Variants in ZFP1 observed in about 807,000 individuals in gnomAD.
The protein encoded by ZFP1 is zinc finger protein 1 homolog.
A neutral mutation model predicts 38.5 loss-of-function variants in ZFP1; 32 were observed. The observed-to-expected ratio is 0.83, with a 90% CI of 0.63 to 1.12. ZFP1 has a LOEUF of 1.12. ZFP1 is among the 50% of genes most tolerant of loss of function. The pLI is 0.00. For missense variants in ZFP1, 616 were observed against 480.8 expected (o/e 1.28, Z -2.63); for synonymous variants, 245 against 168.8 (o/e 1.45, Z -3.50).
rs138101488 is a variant in ZFP1 at position 75,148,728 on chromosome 16, G to A, written c.-44+85G>A. 752 of 152,416 alleles carry A rather than the reference G, an allele frequency of 4.9e-3. 7 individuals are homozygous for A. Among genetic ancestry groups the A allele is most frequent in the Non-Finnish European group, 8.1e-3 (551 of 68,082 alleles). 9.4% of individuals were successfully genotyped at this position (152,416 alleles called of 1,614,324 possible). A position where few individuals can be genotyped will look rare whatever the true frequency, so the allele number is the denominator to read the frequency against. On this transcript the variant is annotated intron_variant, in intron 1 of 3. Transcript: ENST00000570010. ...GGATGGGCTCGTGCCCGCGCAGGGT[G>A]GGAGCCCAAACTTCGGCTACTCGTA...
the ZFP1 span, among the ~76,000 whole-genome samples, chr16:75,123,335 C>T: frequency 6.7e-6 from 1 of 149,682 alleles, no homozygotes; most frequent in Non-Finnish European, 1.5e-5. Context: ...GCCTGGGCGA[C>T]ACAGAGACTC....
At chr16:75,122,699 C>T in the ZFP1 span, among the ~76,000 whole-genome samples, 4 of 152,188 alleles carry the variant, frequency 2.6e-5, no homozygotes, top group South Asian at 8.3e-4. Flanking sequence ...TGGCTTTAGG[C>T]AGTCCGGTCT....
At chr16:75,137,270 G>A in the ZFP1 span, among the ~76,000 whole-genome samples, 1 of 151,922 alleles carries the variant, frequency 6.6e-6, no homozygotes, top group Non-Finnish European at 1.5e-5. Flanking sequence ...GAATAATATT[G>A]GGTTATTCCC....
chr16:75,139,568 T>C, the ZFP1 span, among the ~76,000 whole-genome samples: 1 of 151,858 alleles, frequency 6.6e-6, no homozygotes, highest in East Asian at 1.9e-4. Flanking sequence ...GGCGCACATG[T>C]GTGGTCCGAG....
the ZFP1 span, among the ~76,000 whole-genome samples, chr16:75,136,169 T>C: frequency 6.6e-6 from 1 of 152,126 alleles, no homozygotes; most frequent in Admixed American, 6.6e-5. Context: ...CAGGAAAAAA[T>C]GCAGATGGTG....
chr16:75,134,279 T>G, the ZFP1 span, among the ~76,000 whole-genome samples: 1,621 of 152,332 alleles, frequency 0.011, 17 homozygotes, highest in African/African-American at 0.037. Context: ...CAAAAAAATT[T>G]TTTTAATTCT....
intron 2 of ZFP1, among the ~76,000 whole-genome samples, chr16:75,163,918 T>C (rs2145560507): frequency 6.6e-6 from 1 of 152,330 alleles, no homozygotes; most frequent in South Asian, 2.1e-4. Context: ...ACTGTTTATG[T>C]CACCTCACTC....
At chr16:75,155,053 C>T (rs951145353) in intron 2 of ZFP1, among the ~76,000 whole-genome samples, 6 of 152,122 alleles carry the variant, frequency 3.9e-5, no homozygotes, top group Non-Finnish European at 7.3e-5. Flanking sequence ...CCCACCTTGG[C>T]CTCCCAAAAT....
At position 75,170,333 on chromosome 16, in the gene ZFP1, G is replaced by T. The variant is rs964024389; in HGVS notation, c.1223G>T (p.Ter408LeuextTer49). The T allele has an allele frequency of 6.4e-7, 1 of 1,566,132 alleles. No homozygotes were observed. Among genetic ancestry groups the T allele is most frequent in the African/African-American group, 1.4e-5 (1 of 73,462 alleles). The change falls in exon 4 of 4, where the codon TGA becomes TTA. Residue 408 changes from the stop codon to leucine, a stop_lost. Transcript: ENST00000570010. ...AGAGTTCACATCGGGGAGAAACCCT[G>T]AAACTCCAGCCAGGTCTTACTGTGG... Reference protein sequence around the residue: ...HQRVHIGEKP* With the variant: ...HQRVHIGEKPL
chr16:75,123,941 A>C, the ZFP1 span, among the ~76,000 whole-genome samples: 1 of 151,542 alleles, frequency 6.6e-6, no homozygotes, highest in Non-Finnish European at 1.5e-5. Context: ...AATACAAAAA[A>C]AAATTAGCTG....
At chr16:75,169,192 T>A (rs1221962485) in intron 3 of ZFP1, 61 bp from the exon 4 acceptor site, 1 of 1,518,950 alleles carries the variant, frequency 6.6e-7, no homozygotes. Flanking sequence ...AGACTTCCCA[T>A]TCGGTAACAT....
chr16:75,145,863 G>A (rs1353046910), upstream of ZFP1, among the ~76,000 whole-genome samples: 2 of 152,184 alleles, frequency 1.3e-5, no homozygotes, highest in East Asian at 3.8e-4. Flanking sequence ...TATTAAGAGG[G>A]CAGGGTGTAA....
rs755069693 is a variant in ZFP1, at chr16:75,166,866, C to G, written c.112C>G (p.Leu38Val). Residue 38 changes from leucine (L) to valine (V), a missense_variant, in exon 3 of 4, where the codon CTG (leucine) becomes GTG (valine). Coordinates refer to ENST00000570010, the MANE Select transcript of ZFP1 (RefSeq NM_153688.4). ...GAGGATCCTATACATGGATGTGATG[C>G]TGGAGAATTATAGCAACTTACTTTC... ...SQRILYMDVM[L>V]ENYSNLLSVE... 3 of 1,614,070 alleles carry G rather than the reference C, an allele frequency of 1.9e-6. No homozygotes were observed. The highest frequency in any genetic ancestry group is 1.1e-5 in the South Asian group (1 of 91,084).
upstream of ZFP1, among the ~76,000 whole-genome samples, chr16:75,147,402 C>T (rs569565712): frequency 6.6e-5 from 10 of 152,002 alleles, no homozygotes; most frequent in East Asian, 1.4e-3. Flanking sequence ...CTCAGCCTCC[C>T]GAGTAGCTGG....
chr16:75,153,513 C>T (rs1429702892), intron 2 of ZFP1, among the ~76,000 whole-genome samples: 2 of 152,094 alleles, frequency 1.3e-5, no homozygotes, highest in African/African-American at 2.4e-5. Context: ...TCATACTGTT[C>T]TGTTTATATG....
At chr16:75,141,195 C>CTTTTTTTT in the ZFP1 span, among the ~76,000 whole-genome samples, 1 of 67,900 alleles carries the variant, frequency 1.5e-5, no homozygotes, top group African/African-American at 5.9e-5. Context: ...TTGGGTCATT[C>CTTTTTTTT]TTTTTTTTTT....
At chr16:75,138,024 C>CTTTT in the ZFP1 span, among the ~76,000 whole-genome samples, 96 of 64,978 alleles carry the variant, frequency 1.5e-3, 17 homozygotes, top group Middle Eastern at 0.023. Context: ...CTCCCACTTC[C>CTTTT]TTTTTTTTTT....
At chr16:75,149,547 T>A (rs1293591700) in intron 1 of ZFP1, among the ~76,000 whole-genome samples, 4 of 139,634 alleles carry the variant, frequency 2.9e-5, no homozygotes, top group Non-Finnish European at 6.1e-5. Flanking sequence ...CCGTTTCTTT[T>A]CTTTACTTTC....
At chr16:75,169,159 G>C (rs2038272118) in intron 3 of ZFP1, 94 bp from the exon 4 acceptor site, 1 of 1,440,522 alleles carries the variant, frequency 6.9e-7, no homozygotes, top group Non-Finnish European at 9.2e-7. Flanking sequence ...TAAAGAGTCA[G>C]CCCTGTGATA....
Sources: allele counts gnomAD v4.1 joint callset (sites outside exome capture counted in the v4.1 genomes callset), GRCh38; gene constraint gnomAD v4.1.1; transcripts MANE v1.5; gene names NCBI Gene and HGNC (gene_info 2026-07-23, HGNC 2026-07-21).